Variants in PRH1 observed in about 807,000 individuals in gnomAD.
PRH1 encodes proline rich protein HaeIII subfamily 1.
Under a neutral mutation model 7.9 loss-of-function variants are expected in PRH1, and 7 were observed. The ratio of observed to expected loss-of-function variants is 0.89; its 90% CI spans 0.50 to 1.67. PRH1 has a LOEUF of 1.67. Ranked by LOEUF, PRH1 falls within the 40% of genes most tolerant of loss-of-function variation. The pLI is 0.00. For synonymous variants in PRH1, 45 were observed against 80.8 expected, an observed-to-expected ratio of 0.56 and a Z score of 2.38; for missense variants, 109 against 223.6, an observed-to-expected ratio of 0.49 and a Z score of 3.27.
At chr12:10,908,557 C>A (rs1198053983) in intron 2 of PRH1, 1 of 1,613,792 alleles carries the variant, frequency 6.2e-7, no homozygotes, top group Non-Finnish European at 8.5e-7. Context: ...GATATGAGAA[C>A]ACATAGAAAG....
At chr12:10,939,403 C>A in intron 2 of PRH1, 1 of 488,126 alleles carries the variant, frequency 2.0e-6, no homozygotes, top group Admixed American at 3.8e-5. Context: ...CTCTGTATTT[C>A]CCCAGACAGC....
At chr12:10,892,189 A>G (rs1416102777) in intron 2 of PRH1, among the ~76,000 whole-genome samples, 2 of 152,200 alleles carry the variant, frequency 1.3e-5, no homozygotes, top group African/African-American at 2.4e-5. Flanking sequence ...CTCATCAAAC[A>G]TACTGTTTGC....
chr12:11,001,799 G>C (rs547483835), intron 1 of PRH1, among the ~76,000 whole-genome samples: 1 of 152,200 alleles, frequency 6.6e-6, no homozygotes, highest in South Asian at 2.1e-4. Context: ...AAAAGGAGTA[G>C]AAGTACACGT....
At position 10,957,689 on chromosome 12, in the gene PRH1, C is replaced by T. The variant is rs151003667; in HGVS notation, c.-59+15966G>A. ...ATGCAAATGACAAAGGCGTAATATC[C>T]GGAACATATAAGGAATTTACATTTA... is the stretch of plus-strand genomic sequence containing the variant. On this transcript the variant is annotated intron_variant, in intron 2 of 3. Transcript: ENST00000539853. 4.6e-3 allele frequency among the ~76,000 whole-genome samples: 706 copies of T among 151,864 alleles called. 6 individuals are homozygous for T. The highest frequency in any genetic ancestry group is 0.016 in the African/African-American group (677 of 41,396).
chr12:11,027,513 A>G (rs1051708921), intron 1 of PRH1, among the ~76,000 whole-genome samples: 3 of 152,244 alleles, frequency 2.0e-5, no homozygotes, highest in Admixed American at 6.5e-5. Context: ...TAAATTTCCT[A>G]TCACTACAAA....
chr12:11,083,583 AC>A (rs1565634989), intron 1 of PRH1, among the ~76,000 whole-genome samples: 1 of 111,098 alleles, frequency 9.0e-6, no homozygotes, highest in Middle Eastern at 4.2e-3. Context: ...TAAAGAAAAA[AC>A]TTATAGCATT....
chr12:11,061,469 G>A (rs1427441769), intron 1 of PRH1: 6 of 1,614,020 alleles, frequency 3.7e-6, no homozygotes, highest in Non-Finnish European at 5.1e-6. Flanking sequence ...AGGATGAATG[G>A]GTGGGTTGAA....
At chr12:11,168,368 A>AAAAGAAAGAAAGAAAGAAAG (rs199864169) in intron 1 of PRH1, among the ~76,000 whole-genome samples, 1 of 36,058 alleles carries the variant, frequency 2.8e-5, no homozygotes, top group African/African-American at 1.1e-4. Context: ...GAAAAGAAAG[A>AAAAGAAAGAAAGAAAGAAAG]AAAGAAAGAA....
chr12:10,892,115 G>C (rs1297641928), intron 2 of PRH1, among the ~76,000 whole-genome samples: 1 of 152,116 alleles, frequency 6.6e-6, no homozygotes, highest in Non-Finnish European at 1.5e-5. Context: ...AAACCAAGTG[G>C]CTCCTCAAAC....
intron 1 of PRH1, among the ~76,000 whole-genome samples, chr12:11,091,115 C>CACACATATATAGATATATATAT (rs751016037): frequency 4.0e-5 from 1 of 25,104 alleles, no homozygotes; most frequent in East Asian, 2.4e-3. Flanking sequence ...CACACACACA[C>CACACATATATAGATATATATAT]ATATATATAT....
At chr12:10,939,325 A>G in intron 2 of PRH1, 1 of 623,622 alleles carries the variant, frequency 1.6e-6, no homozygotes, top group Non-Finnish European at 2.6e-6. Flanking sequence ...CCCTTTAAAA[A>G]GGGAATGTTA....
chr12:11,032,677 C>T (rs1219520023), intron 1 of PRH1, among the ~76,000 whole-genome samples: 1 of 152,076 alleles, frequency 6.6e-6, no homozygotes, highest in East Asian at 1.9e-4. Context: ...ATTCTTAGGA[C>T]TTGGTAAAGT....
chr12:10,939,206 A>G, intron 2 of PRH1: 1 of 1,539,738 alleles, frequency 6.5e-7, no homozygotes, highest in Non-Finnish European at 8.8e-7. Context: ...GACACCACCC[A>G]TTGCCTGTAA....
Position 11,111,812 on chromosome 12 carries a change from C to T in PRH1, n.123+59610G>A, listed in dbSNP as rs536430757. On this transcript the variant is annotated intron_variant and non_coding_transcript_variant, in intron 1 of 4. Transcript: ENST00000541977. ...AGAGATAACTAAGGTCAGAGCACAA[C>T]TGAAGGAGATAGAAACACCTAAAAC... Among the ~76,000 whole-genome samples, 100 of 152,182 alleles carry T rather than the reference C, an allele frequency of 6.6e-4. 1 individual carries two copies. The highest frequency in any genetic ancestry group is 4.5e-3 in the Admixed American group (69 of 15,282).
At chr12:11,133,532 C>G (rs1235311348) in intron 1 of PRH1, 2 of 1,614,042 alleles carry the variant, frequency 1.2e-6, no homozygotes, top group East Asian at 4.5e-5. Context: ...GTAAATGGCA[C>G]ATAACAGAAG....
At chr12:10,970,919 C>T (rs1377731154) in intron 2 of PRH1, among the ~76,000 whole-genome samples, 2 of 152,160 alleles carry the variant, frequency 1.3e-5, no homozygotes, top group Non-Finnish European at 2.9e-5. Context: ...TGACTTTATT[C>T]AGCAAAAACT....
At chr12:11,088,065 G>A (rs1396093224) in intron 1 of PRH1, among the ~76,000 whole-genome samples, 1 of 128,208 alleles carries the variant, frequency 7.8e-6, no homozygotes, top group Non-Finnish European at 1.8e-5. Context: ...TACAGACCAG[G>A]CCCTGTGGCA....
At chr12:10,969,841 T>C (rs11054107) in intron 2 of PRH1, among the ~76,000 whole-genome samples, 36,985 of 152,042 alleles carry the variant, frequency 0.24, 4,550 homozygotes, top group Non-Finnish European at 0.25. Context: ...ACTCTGTTGC[T>C]CAGGCTAGAG....
intron 1 of PRH1, among the ~76,000 whole-genome samples, chr12:11,126,971 G>A (rs1946154147): frequency 6.8e-6 from 1 of 146,232 alleles, no homozygotes; most frequent in African/African-American, 2.4e-5. Context: ...CATTTTTTAA[G>A]GCAGGCCTAA....
Sources: gnomAD v4.1 joint callset for allele counts (sites outside exome capture counted in the v4.1 genomes callset) on GRCh38, gnomAD v4.1.1 for gene constraint, MANE v1.5 for transcripts, NCBI Gene and HGNC (gene_info 2026-07-23, HGNC 2026-07-21) for gene names.